LPAR1: variants seen among roughly 807,000 people sequenced by gnomAD.
The protein encoded by LPAR1 is LPA receptor 1.
A neutral mutation model predicts 23.8 loss-of-function variants in LPAR1; 5 were observed. The ratio of observed to expected loss-of-function variants is 0.21; its 90% CI spans 0.11 to 0.44. LPAR1 has a LOEUF of 0.44. Among genes scored for constraint, LPAR1 ranks in the 20% least tolerant of loss-of-function variants. The pLI is 0.99. For synonymous variants in LPAR1, 160 were observed against 164.7 expected (o/e 0.97, Z 0.22); for missense variants, 311 against 482.8 (o/e 0.64, Z 3.33).
At chr9:111,027,320 T>G (rs939339037) in intron 2 of LPAR1, among the ~76,000 whole-genome samples, 9 of 151,960 alleles carry the variant, frequency 5.9e-5, no homozygotes, top group African/African-American at 2.2e-4. Context: ...AGACCCTGTC[T>G]CTACCCAAAA....
intron 5 of LPAR1, among the ~76,000 whole-genome samples, chr9:110,917,508 T>C (rs1043826999): frequency 6.6e-6 from 1 of 152,188 alleles, no homozygotes; most frequent in Non-Finnish European, 1.5e-5. Flanking sequence ...CCCCACAGAA[T>C]TGCTTTCATT....
chr9:110,897,901 G>A (rs2087020126), intron 5 of LPAR1, among the ~76,000 whole-genome samples: 1 of 151,448 alleles, frequency 6.6e-6, no homozygotes, highest in Non-Finnish European at 1.5e-5. Context: ...TTCATTATCT[G>A]GGGATTATTT....
chr9:111,017,490 G>A (rs2097476686), intron 2 of LPAR1, among the ~76,000 whole-genome samples: 1 of 152,142 alleles, frequency 6.6e-6, no homozygotes, highest in Non-Finnish European at 1.5e-5. Flanking sequence ...ATTTCCCCAA[G>A]GCACAAAAGT....
At chr9:110,885,095 C>G (rs2081990626) in intron 5 of LPAR1, among the ~76,000 whole-genome samples, 1 of 152,128 alleles carries the variant, frequency 6.6e-6, no homozygotes, top group African/African-American at 2.4e-5. Flanking sequence ...ACACTGTTCT[C>G]TGAATGATAC....
At chr9:110,879,249 C>T (rs1294955438) in intron 5 of LPAR1, among the ~76,000 whole-genome samples, 2 of 151,852 alleles carry the variant, frequency 1.3e-5, no homozygotes, top group Admixed American at 1.3e-4. Context: ...GAAACCGCAT[C>T]TCTACTAAAA....
intron 5 of LPAR1, among the ~76,000 whole-genome samples, chr9:110,937,601 A>G (rs1330727565): frequency 6.6e-6 from 1 of 152,212 alleles, no homozygotes; most frequent in East Asian, 1.9e-4. Flanking sequence ...TTTATGCCAA[A>G]TAAGTATTTC....
intron 5 of LPAR1, among the ~76,000 whole-genome samples, chr9:110,935,414 T>TA (rs5899925): frequency 1.6e-3 from 232 of 145,862 alleles, no homozygotes; most frequent in Middle Eastern, 3.5e-3. Flanking sequence ...ACTCCAGCCT[T>TA]AAAAAAAAAA....
intron 2 of LPAR1, among the ~76,000 whole-genome samples, chr9:110,997,411 T>C (rs1252740385): frequency 6.6e-6 from 1 of 152,210 alleles, no homozygotes; most frequent in Non-Finnish European, 1.5e-5. Flanking sequence ...GAGTTGCGTA[T>C]TAACTATTGA....
At chr9:110,995,480 T>C (rs1165414870) in intron 2 of LPAR1, among the ~76,000 whole-genome samples, 2 of 152,204 alleles carry the variant, frequency 1.3e-5, no homozygotes, top group Non-Finnish European at 2.9e-5. Flanking sequence ...GCTCCCAGCA[T>C]ATTACCATTC....
chr9:111,036,247 G>A (rs1413714217), intron 1 of LPAR1, 46 bp from the exon 2 acceptor site: 1 of 152,076 alleles, frequency 6.6e-6, no homozygotes, highest in Admixed American at 6.6e-5. Flanking sequence ...CCTAGTAGAA[G>A]TCAGACTGCA....
chr9:110,985,719 C>T (rs1406159899), intron 2 of LPAR1, among the ~76,000 whole-genome samples: 1 of 152,056 alleles, frequency 6.6e-6, no homozygotes, highest in African/African-American at 2.4e-5. Flanking sequence ...ACCAAAATAA[C>T]CAAGAATTGT....
intron 4 of LPAR1, among the ~76,000 whole-genome samples, chr9:110,966,092 A>G (rs2096210113): frequency 6.6e-6 from 1 of 152,150 alleles, no homozygotes; most frequent in Admixed American, 6.5e-5. Flanking sequence ...ACATGGACAC[A>G]GGGAGGGGAA....
intron 2 of LPAR1, among the ~76,000 whole-genome samples, chr9:110,980,150 G>C (rs1312147758): frequency 1.3e-5 from 2 of 152,092 alleles, no homozygotes; most frequent in South Asian, 2.1e-4. Context: ...GGAGGTTCAG[G>C]ATGGGAGTAT....
At chr9:110,971,480 G>C (rs10465128) in intron 4 of LPAR1, among the ~76,000 whole-genome samples, 17,454 of 152,128 alleles carry the variant, frequency 0.11, 1,319 homozygotes, top group Admixed American at 0.21. Flanking sequence ...GCCAATGCCT[G>C]ATTAAATCAG....
At chr9:110,929,342 C>T (rs2094244288) in intron 5 of LPAR1, among the ~76,000 whole-genome samples, 2 of 151,788 alleles carry the variant, frequency 1.3e-5, no homozygotes, top group South Asian at 4.2e-4. Context: ...ATCAAAGGTA[C>T]CAACAGAAGA....
intron 5 of LPAR1, among the ~76,000 whole-genome samples, chr9:110,904,422 C>T (rs2090516052): frequency 6.6e-6 from 1 of 152,112 alleles, no homozygotes; most frequent in South Asian, 2.1e-4. Flanking sequence ...TATCAGTAGA[C>T]TGTGATAAGT....
intron 5 of LPAR1, among the ~76,000 whole-genome samples, chr9:110,917,084 T>C (rs1435843347): frequency 6.6e-6 from 1 of 151,450 alleles, no homozygotes; most frequent in Non-Finnish European, 1.5e-5. Context: ...ACGGCTGTAA[T>C]CCCAGCACTT....
chr9:110,980,440 C>G (rs569095594), intron 2 of LPAR1, among the ~76,000 whole-genome samples: 15 of 152,044 alleles, frequency 9.9e-5, no homozygotes, highest in African/African-American at 3.6e-4. Flanking sequence ...CTATTTGACA[C>G]TTTAAATTAC....
intron 5 of LPAR1, among the ~76,000 whole-genome samples, chr9:110,889,844 C>T (rs2083529508): frequency 6.6e-6 from 1 of 152,102 alleles, no homozygotes. Context: ...AATCCATTAA[C>T]AGCACAGTTT....
Sources: allele counts gnomAD v4.1 joint callset (sites outside exome capture counted in the v4.1 genomes callset), GRCh38; gene constraint gnomAD v4.1.1; transcripts MANE v1.5; gene names NCBI Gene and HGNC (gene_info 2026-07-23, HGNC 2026-07-21).